The following KRT71 variants were observed in gnomAD, a reference collection of about 807,000 sequenced individuals.
KRT71 encodes keratin 71, also known as keratin, type II cytoskeletal 71.
Under a neutral mutation model 46.2 loss-of-function variants are expected in KRT71, and 42 were observed. The ratio of observed to expected loss-of-function variants is 0.91; its 90% CI spans 0.71 to 1.18. KRT71 has a LOEUF of 1.18. Ranked by LOEUF, KRT71 falls within the 50% of genes most tolerant of loss-of-function variation. The probability of loss-of-function intolerance (pLI) is 0.00; values close to 1 mark genes in which losing one functional copy is unlikely to be tolerated. For synonymous variants in KRT71, 292 were observed against 277.8 expected (o/e 1.05, Z -0.51); for missense variants, 708 against 677.9 (o/e 1.04, Z -0.49).
rs529328780 is a variant in KRT71, at chr12:52,549,331, G to T, written c.679C>A (p.Arg227=). 6.2e-7 allele frequency: 1 copy of T among 1,613,650 alleles called. No homozygotes were observed. Among genetic ancestry groups the T allele is most frequent in the Non-Finnish European group, 8.5e-7 (1 of 1,179,650 alleles). ...ACAAACTCGTTCTCTGCTGCTGTCC[G>T]CTTGTTGATTTCCTCCTCATACCTG... ...KKRYEEEINK[R]TAAENEFVLL... Residue 227 remains arginine (R), a synonymous_variant, in exon 3 of 9, where the codon CGG becomes AGG. Coordinates refer to ENST00000267119, the MANE Select transcript of KRT71 (RefSeq NM_033448.3).
At chr12:52,551,038 C>T (rs1478568936) in intron 1 of KRT71, among the ~76,000 whole-genome samples, 3 of 152,142 alleles carry the variant, frequency 2.0e-5, no homozygotes, top group East Asian at 1.9e-4. Context: ...AATTATTCCC[C>T]GAAAATTTGT....
chr12:52,547,297 C>T (rs1465143555), intron 6 of KRT71, among the ~76,000 whole-genome samples: 1 of 152,176 alleles, frequency 6.6e-6, no homozygotes, highest in Non-Finnish European at 1.5e-5. Context: ...GCTGCCATTG[C>T]TATCGTATAT....
At chr12:52,549,429 G>A in intron 2 of KRT71, 76 bp from the exon 3 acceptor site, 5 of 1,212,588 alleles carry the variant, frequency 4.1e-6, no homozygotes, top group Non-Finnish European at 4.9e-6. Flanking sequence ...GTTGAGCAAG[G>A]AGCAGCGTGT....
chr12:52,544,023 C>A lies in KRT71; in HGVS notation c.*509G>T, dbSNP rs377726315. 48 of 160,280 alleles carry A rather than the reference C, an allele frequency of 3.0e-4. 1 individual carries two copies. In the South Asian group the frequency reaches 8.7e-3, roughly 29 times the overall value. 9.9% of individuals were successfully genotyped at this position (160,280 alleles called of 1,614,324 possible). A position where few individuals can be genotyped will look rare whatever the true frequency, so the allele number is the denominator to read the frequency against. On this transcript the variant is annotated 3_prime_UTR_variant, in exon 9 of 9. Coordinates refer to ENST00000267119, the MANE Select transcript of KRT71 (RefSeq NM_033448.3). ...GGTGCAGGTGAGTGGAGAAAAAGGC[C>A]CTGAATTGCACTTGGTCCCACTCAG...
chr12:52,549,491 TG>T (rs1565602157), intron 2 of KRT71, 138 bp from the exon 3 acceptor site: 1 of 707,126 alleles, frequency 1.4e-6, no homozygotes, highest in Non-Finnish European at 2.5e-6. Context: ...CAGGGGTAAG[TG>T]GGGGAAGGCT....
intron 4 of KRT71, 125 bp downstream of exon 4, chr12:52,548,576 G>T: frequency 1.1e-6 from 1 of 881,714 alleles, no homozygotes; most frequent in East Asian, 2.5e-5. Flanking sequence ...AGTCTGATGC[G>T]GGAGATGGTT....
Position 52,546,474 on chromosome 12 carries a change from A to G in KRT71, c.1137T>C (p.Ala379=). The G allele has an allele frequency of 6.2e-7, 1 of 1,614,174 alleles. No homozygotes were observed. The highest frequency in any genetic ancestry group is 8.5e-7 in the Non-Finnish European group (1 of 1,180,020). The change falls in exon 7 of 9, where the codon GCT becomes GCC. Residue 379 remains alanine (A), a synonymous_variant. Transcript: ENST00000267119. ...TCAGGGCGTTGTCTCCCCGCTGCTCAGCATCAGCGATGGCTGTCTCCAGGT... is the reference window on the plus strand; with the variant it reads ...TCAGGGCGTTGTCTCCCCGCTGCTCGGCATCAGCGATGGCTGTCTCCAGGT... ...ASNLETAIAD[A]EQRGDNALKD...
At position 52,547,770 on chromosome 12, in the gene KRT71, T is replaced by A. The variant is rs1939080506; in HGVS notation, c.1104+87A>T. On this transcript the variant is annotated intron_variant, in intron 6 of 8. Transcript: ENST00000267119. The stretch of plus-strand genomic sequence containing the variant: ...TTCTCTCTTCTCCCAGGCAGCGATC[T>A]GGGAGGCCCATGTTCTCAGCAGCTC... 7 of 1,513,096 alleles carry A rather than the reference T, an allele frequency of 4.6e-6. No homozygotes were observed. In the Admixed American group the frequency reaches 1.3e-4, roughly 29 times the overall value. The allele number at this position is 1,513,096 out of a possible 1,614,324, so 93.7% of individuals were successfully genotyped here. A position where few individuals can be genotyped will look rare whatever the true frequency, so the allele number is the denominator to read the frequency against.
chr12:52,550,896 G>A (rs892566467), intron 1 of KRT71, among the ~76,000 whole-genome samples: 1 of 152,212 alleles, frequency 6.6e-6, no homozygotes, highest in African/African-American at 2.4e-5. Flanking sequence ...TTTTGGGGAT[G>A]GGGAGCACAG....
intron 2 of KRT71, 21 bp downstream of exon 2, chr12:52,550,008 A>AGGGGG: frequency 6.2e-7 from 1 of 1,613,576 alleles, no homozygotes; most frequent in Admixed American, 1.7e-5. Flanking sequence ...GTCCAGTTAC[A>AGGGGG]GGGGGACTCC....
At chr12:52,552,567 A>C in intron 1 of KRT71, 70 bp downstream of exon 1, 1 of 1,483,688 alleles carries the variant, frequency 6.7e-7, no homozygotes, top group Non-Finnish European at 9.1e-7. Context: ...TCCTGCTGTA[A>C]CAAAATCGTA....
chr12:52,549,278 C>T lies in KRT71; in HGVS notation c.717+15G>A, dbSNP rs1939118249. On this transcript the variant is annotated intron_variant, in intron 3 of 8. Coordinates refer to ENST00000267119, the MANE Select transcript of KRT71 (RefSeq NM_033448.3). Reference sequence around the variant, plus strand: ...CAGGCCAGCCCCCGGGACTCAGGGCCTGCCTTCCCCTCACCTTCTTGAGCA... The same window carrying T: ...CAGGCCAGCCCCCGGGACTCAGGGCTTGCCTTCCCCTCACCTTCTTGAGCA... 2.5e-6 allele frequency: 4 copies of T among 1,610,306 alleles called. No individual in the cohort carries two copies. The highest frequency in any genetic ancestry group is 3.4e-6 in the Non-Finnish European group (4 of 1,176,870).
At position 52,552,677 on chromosome 12, in the gene KRT71, A is replaced by G. The variant is rs1283562279; in HGVS notation, c.401T>C (p.Ile134Thr). 1 of 1,613,544 alleles carries G rather than the reference A, an allele frequency of 6.2e-7. No individual in the cohort carries two copies. ...GGCGAACTTGTTGTTCAGAGCCTTGATCTGCTCTCGCTCCTGGGCACGCAC... is the reference window on the plus strand; with the variant it reads ...GGCGAACTTGTTGTTCAGAGCCTTGGTCTGCTCTCGCTCCTGGGCACGCAC... ...QKVRAQEREQ[I>T]KALNNKFASF... The change falls in exon 1 of 9, where the codon ATC becomes ACC. Residue 134 changes from isoleucine to threonine, a missense_variant. By Grantham distance (89) the Ile-to-Thr change is moderately conservative. Coordinates refer to ENST00000267119, the MANE Select transcript of KRT71 (RefSeq NM_033448.3).
rs756629660 is a variant in KRT71 at position 52,553,031 on chromosome 12, C to T, written c.47G>A (p.Gly16Asp). 2.6e-5 allele frequency: 42 copies of T among 1,599,924 alleles called. No individual in the cohort carries two copies. Among genetic ancestry groups the T allele is most frequent in the Non-Finnish European group, 3.3e-5 (39 of 1,171,780 alleles). ...GAGCACAGCTGAGCAGCCACTGAAGCCCCCCTTGGCGGCAGCTCCCGACTT... is the reference window on the plus strand; with the variant it reads ...GAGCACAGCTGAGCAGCCACTGAAGTCCCCCTTGGCGGCAGCTCCCGACTT... ...TCKSGAAAKG[G>D]FSGCSAVLSG... The change falls in exon 1 of 9, where the codon GGC becomes GAC. Residue 16 changes from glycine (G) to aspartate (D), a missense_variant. Transcript: ENST00000267119.
intron 6 of KRT71, among the ~76,000 whole-genome samples, chr12:52,546,895 A>G (rs1939067181): frequency 6.6e-6 from 1 of 152,230 alleles, no homozygotes; most frequent in Non-Finnish European, 1.5e-5. Context: ...GCCCAGGAAC[A>G]GGGCACCACA....
intron 3 of KRT71, 101 bp downstream of exon 3, chr12:52,549,192 A>C: frequency 1.1e-6 from 1 of 883,620 alleles, no homozygotes; most frequent in Admixed American, 1.7e-5. Flanking sequence ...GCTCTTCCTG[A>C]ATCAGTTCAC....
chr12:52,545,769 C>A (rs1939047097), intron 7 of KRT71, among the ~76,000 whole-genome samples, 170 bp from the exon 8 acceptor site: 1 of 152,142 alleles, frequency 6.6e-6, no homozygotes, highest in Non-Finnish European at 1.5e-5. Context: ...GGAGACTACC[C>A]CCAAATCTTT....
chr12:52,550,162 T>C lies in KRT71; in HGVS notation c.523A>G (p.Asn175Asp). ...LQQLDLNNCK[N>D]NLEPILEGYI... ...CCCTCGAGGATGGGCTCCAGGTTGTTCTTGCAGTTGTTCAGGTCCAGCTGC... is the reference window on the plus strand; with the variant it reads ...CCCTCGAGGATGGGCTCCAGGTTGTCCTTGCAGTTGTTCAGGTCCAGCTGC... The change falls in exon 2 of 9, where the codon AAC (asparagine) becomes GAC (aspartate). Residue 175 changes from asparagine (N) to aspartate (D), a missense_variant. Coordinates refer to ENST00000267119, the MANE Select transcript of KRT71 (RefSeq NM_033448.3). 1 of 1,614,208 alleles carries C rather than the reference T, an allele frequency of 6.2e-7. No individual in the cohort carries two copies. Among genetic ancestry groups the C allele is most frequent in the Non-Finnish European group, 8.5e-7 (1 of 1,180,040 alleles).
At position 52,545,407 on chromosome 12, in the gene KRT71, C is replaced by T. The variant is rs553079991; in HGVS notation, c.1360+158G>A. ...GGCCTGGCCTGGGAGTCAGGAAAGC[C>T]GATTTTGGCCATGGCTCTGCCATCT... On this transcript the variant is annotated intron_variant, in intron 8 of 8. Coordinates refer to ENST00000267119, the MANE Select transcript of KRT71 (RefSeq NM_033448.3). 4.9e-4 allele frequency among the ~76,000 whole-genome samples: 75 copies of T among 152,284 alleles called. No homozygotes were observed. In the South Asian group the frequency reaches 0.015, roughly 31 times the overall value.
Sources: allele counts gnomAD v4.1 joint callset (sites outside exome capture counted in the v4.1 genomes callset), GRCh38; gene constraint gnomAD v4.1.1; transcripts MANE v1.5; gene names NCBI Gene and HGNC (gene_info 2026-07-23, HGNC 2026-07-21).